Variants in DLG1 observed in about 807,000 individuals in gnomAD.
The protein encoded by DLG1 is discs large MAGUK scaffold protein 1.
Under a neutral mutation model 123.4 loss-of-function variants are expected in DLG1, and 42 were observed. The observed-to-expected ratio is 0.34, with a 90% CI of 0.27 to 0.44. The LOEUF is 0.44. Among genes scored for constraint, DLG1 ranks in the 20% least tolerant of loss-of-function variants. DLG1 has a pLI of 1.00. For synonymous variants in DLG1, 317 were observed against 356.2 expected (o/e 0.89, Z 1.24); for missense variants, 942 against 1,082.6 (o/e 0.87, Z 1.82).
chr3:197,179,360 G>A (rs1182535942), intron 5 of DLG1, among the ~76,000 whole-genome samples: 1 of 152,054 alleles, frequency 6.6e-6, no homozygotes, highest in African/African-American at 2.4e-5. Flanking sequence ...GGGAGGAAAG[G>A]TCAAAAAACT....
At chr3:197,187,490 C>G (rs1402028639) in intron 5 of DLG1, among the ~76,000 whole-genome samples, 1 of 152,198 alleles carries the variant, frequency 6.6e-6, no homozygotes, top group South Asian at 2.1e-4. Flanking sequence ...GCACAATTAT[C>G]TGCTCATTGA....
chr3:197,240,248 G>A (rs1748166353), intron 4 of DLG1, among the ~76,000 whole-genome samples: 2 of 152,126 alleles, frequency 1.3e-5, no homozygotes, highest in African/African-American at 4.8e-5. Flanking sequence ...CAGGTCCCCT[G>A]GGCAGGAACT....
intron 11 of DLG1, among the ~76,000 whole-genome samples, chr3:197,120,097 C>A (rs1775474256): frequency 6.6e-6 from 1 of 151,490 alleles, no homozygotes; most frequent in Admixed American, 6.6e-5. Context: ...CCATCTCTAC[C>A]AAAAAAATAC....
At chr3:197,235,311 G>T (rs984354164) in intron 4 of DLG1, among the ~76,000 whole-genome samples, 7 of 152,206 alleles carry the variant, frequency 4.6e-5, no homozygotes, top group African/African-American at 1.7e-4. Flanking sequence ...GAAAGAAGAA[G>T]GCTAAGCAGA....
chr3:197,160,041 A>G (rs1241181011), intron 5 of DLG1, among the ~76,000 whole-genome samples: 1 of 152,196 alleles, frequency 6.6e-6, no homozygotes, highest in Non-Finnish European at 1.5e-5. Context: ...AGTGTTACAG[A>G]TGAGTAAATG....
chr3:197,212,007 G>C (rs1731478584), intron 4 of DLG1, among the ~76,000 whole-genome samples: 1 of 146,290 alleles, frequency 6.8e-6, no homozygotes, highest in African/African-American at 2.4e-5. Flanking sequence ...ACCAAATACT[G>C]AATGTTCTCA....
At chr3:197,277,668 C>T (rs1311490742) in intron 4 of DLG1, among the ~76,000 whole-genome samples, 3 of 151,456 alleles carry the variant, frequency 2.0e-5, no homozygotes, top group African/African-American at 7.3e-5. Flanking sequence ...ATCTATCCTT[C>T]CTTATAAATC....
At chr3:197,134,270 T>C (rs768869464) in intron 10 of DLG1, among the ~76,000 whole-genome samples, 2 of 152,086 alleles carry the variant, frequency 1.3e-5, no homozygotes, top group Non-Finnish European at 2.9e-5. Context: ...CAATAAACAG[T>C]ACTAAACAGG....
rs570596943 is a variant in DLG1 at position 197,260,750 on chromosome 3, C to CAAAAAAAAAAAA, written c.318+21917_318+21928dup. Among the ~76,000 whole-genome samples the CAAAAAAAAAAAA allele has an allele frequency of 1.3e-3, 24 of 18,320 alleles. 2 individuals carry two copies. The highest frequency in any genetic ancestry group is 3.1e-3 in the East Asian group (1 of 322). The allele number at this position is 18,320 out of a possible 152,430, so 12.0% of individuals were successfully genotyped here. ...GTTTGGATACTCAAATGACAACCAC[C>CAAAAAAAAAAAA]AAAAAAAAAAAAAAAAAAAAAAAAA... On this transcript the variant is annotated intron_variant, in intron 4 of 24. Transcript: ENST00000667157.
At chr3:197,252,737 G>T (rs1443983763) in intron 4 of DLG1, among the ~76,000 whole-genome samples, 2 of 152,120 alleles carry the variant, frequency 1.3e-5, no homozygotes, top group Non-Finnish European at 2.9e-5. Context: ...TAGGATAATT[G>T]TCCTCGTTTC....
chr3:197,234,988 C>T (rs966615544), intron 4 of DLG1, among the ~76,000 whole-genome samples: 13 of 152,232 alleles, frequency 8.5e-5, no homozygotes, highest in African/African-American at 2.6e-4. Context: ...AAAACTTCTA[C>T]GTCAGGCCAT....
At chr3:197,189,379 G>C (rs1156230396) in intron 5 of DLG1, among the ~76,000 whole-genome samples, 6 of 152,010 alleles carry the variant, frequency 3.9e-5, no homozygotes, top group South Asian at 2.1e-4. Context: ...AAATATACAA[G>C]AAAATATGTT....
At chr3:197,069,421 T>C (rs543391197) in intron 18 of DLG1, 161 bp from the exon 19 acceptor site, 42 of 454,162 alleles carry the variant, frequency 9.2e-5, no homozygotes, top group East Asian at 2.5e-4. Context: ...ATAATAAATA[T>C]ATATTAGCAA....
chr3:197,049,552 C>T (rs1383450684), intron 24 of DLG1, among the ~76,000 whole-genome samples: 8 of 151,786 alleles, frequency 5.3e-5, no homozygotes, highest in East Asian at 2.0e-4. Context: ...GTCAAGAGTT[C>T]GACTAGCCTG....
rs575074301 is a variant in DLG1 at position 197,172,642 on chromosome 3, C to T, written c.483+21783G>A. ...AGATTGGGTAGGTACAGTCTTCCTT[C>T]CCCTACCCACTTTCATGCAATATAC... On this transcript the variant is annotated intron_variant, in intron 5 of 24. Transcript: ENST00000667157. 1.2e-3 allele frequency among the ~76,000 whole-genome samples: 181 copies of T among 152,258 alleles called. 1 individual carries two copies. The highest frequency in any genetic ancestry group is 2.0e-3 in the Non-Finnish European group (139 of 68,002).
intron 5 of DLG1, among the ~76,000 whole-genome samples, chr3:197,158,510 T>C (rs974456627): frequency 5.3e-5 from 8 of 150,372 alleles, no homozygotes; most frequent in African/African-American, 1.5e-4. Flanking sequence ...GGCACATGCC[T>C]GTAATCCCAG....
intron 24 of DLG1, among the ~76,000 whole-genome samples, chr3:197,049,010 G>GAT (rs1560299751): frequency 1.3e-5 from 2 of 151,994 alleles, no homozygotes; most frequent in Non-Finnish European, 2.9e-5. Context: ...CCCACTACTC[G>GAT]ATATATATAC....
At chr3:197,075,972 A>G in intron 18 of DLG1, 2 of 902,750 alleles carry the variant, frequency 2.2e-6, no homozygotes, top group South Asian at 3.2e-5. Flanking sequence ...GACAGTTCCA[A>G]GACCATTACA....
At chr3:197,153,703 G>C (rs990482386) in intron 5 of DLG1, among the ~76,000 whole-genome samples, 1 of 152,160 alleles carries the variant, frequency 6.6e-6, no homozygotes, top group Non-Finnish European at 1.5e-5. Context: ...TTGGGAGCCA[G>C]ACATTGAAGA....
Sources: allele counts gnomAD v4.1 joint callset (sites outside exome capture counted in the v4.1 genomes callset), GRCh38; gene constraint gnomAD v4.1.1; transcripts MANE v1.5; gene names NCBI Gene and HGNC (gene_info 2026-07-23, HGNC 2026-07-21).